Variants in FAM107B observed in about 807,000 individuals in gnomAD.
FAM107B encodes the protein family with sequence similarity 107 member B, also known as protein FAM107B.
A neutral mutation model predicts 31.5 loss-of-function variants in FAM107B; 21 were observed. The observed-to-expected ratio is 0.67, with a 90% CI of 0.47 to 0.96. FAM107B has a LOEUF of 0.96. Among genes scored for constraint, FAM107B ranks in the 40% least tolerant of loss-of-function variants. FAM107B has a pLI of 0.00. For missense variants in FAM107B, 452 were observed against 377.1 expected (o/e 1.20, Z -1.64); for synonymous variants, 157 against 141.5 (o/e 1.11, Z -0.78).
chr10:14,572,631 T>C (rs1240887220), intron 2 of FAM107B, among the ~76,000 whole-genome samples: 1 of 150,420 alleles, frequency 6.6e-6, no homozygotes. Flanking sequence ...GGATCGCTTG[T>C]ACCCAGGAGT....
intron 2 of FAM107B, among the ~76,000 whole-genome samples, chr10:14,639,982 T>C (rs1853590953): frequency 6.6e-6 from 1 of 152,218 alleles, no homozygotes; most frequent in Non-Finnish European, 1.5e-5. Flanking sequence ...TGCCACCCGT[T>C]TCCTTCTTTG....
At chr10:14,598,747 G>C (rs41448447) in intron 2 of FAM107B, among the ~76,000 whole-genome samples, 5 of 152,146 alleles carry the variant, frequency 3.3e-5, no homozygotes, top group African/African-American at 1.2e-4. Flanking sequence ...TTTTTGAAAG[G>C]CTGTGGGCAC....
intron 2 of FAM107B, among the ~76,000 whole-genome samples, chr10:14,576,553 A>AACAACAAC (rs1564582586): frequency 1.1e-4 from 12 of 105,880 alleles, no homozygotes; most frequent in African/African-American, 3.8e-4. Context: ...ACAACAACAA[A>AACAACAAC]AAGCCACTGA....
At position 14,698,055 on chromosome 10, in the gene FAM107B, G is replaced by A. The variant is rs557457767; in HGVS notation, c.412-30364C>T. Among the ~76,000 whole-genome samples the A allele has an allele frequency of 2.4e-4, 37 of 152,038 alleles. No individual in the cohort carries two copies. In the South Asian group the frequency reaches 7.5e-3, roughly 31 times the overall value. On this transcript the variant is annotated intron_variant, in intron 1 of 4. Coordinates refer to ENST00000181796, the MANE Select transcript of FAM107B (RefSeq NM_031453.4). Reference sequence around the variant, plus strand: ...CACAAGGATCGATTGAACCCAGGAGGTGGAGGTTGCAATGAGCCGAGATCA... The same window carrying A: ...CACAAGGATCGATTGAACCCAGGAGATGGAGGTTGCAATGAGCCGAGATCA...
chr10:14,739,999 A>G (rs912853020), intron 1 of FAM107B, among the ~76,000 whole-genome samples: 1 of 152,226 alleles, frequency 6.6e-6, no homozygotes, highest in African/African-American at 2.4e-5. Context: ...AGCAACAGGA[A>G]TGCTCATTCA....
intron 1 of FAM107B, among the ~76,000 whole-genome samples, chr10:14,746,773 T>C (rs1296855248): frequency 1.3e-5 from 2 of 152,196 alleles, no homozygotes; most frequent in East Asian, 1.9e-4. Context: ...CTGTGTGTCT[T>C]AGGGTTGATC....
In FAM107B at chr10:14,521,872, C is replaced by G. The variant is rs576305397; in HGVS notation, c.801G>C (p.Glu267Asp). 6.2e-7 allele frequency: 1 copy of G among 1,613,740 alleles called. No homozygotes were observed. Among genetic ancestry groups the G allele is most frequent in the Non-Finnish European group, 8.5e-7 (1 of 1,179,914 alleles). Residue 267 changes from glutamate to aspartate, a missense_variant, in exon 4 of 5, where the codon GAG (glutamate) becomes GAC (aspartate). Glu to Asp is a conservative substitution (Grantham distance 45). Transcript: ENST00000181796. The stretch of plus-strand genomic sequence containing the variant: ...GCTTCCAGCCAATCCCCCTTACCTG[C>G]TCCAACTTCTGCTGCCGTTTTAATA... ...IELLKRQQKL[E>D]QLELEKQKLQ... is the part of the protein sequence containing the mutation.
Position 14,629,427 on chromosome 10 carries a change from A to AT in FAM107B, c.469+38206_469+38207insA, listed in dbSNP as rs1564606855. 1.4e-3 allele frequency among the ~76,000 whole-genome samples: 33 copies of AT among 23,454 alleles called. 2 individuals are homozygous for AT. Among genetic ancestry groups the AT allele is most frequent in the Admixed American group, 5.1e-3 (8 of 1,562 alleles). 15.4% of individuals were successfully genotyped at this position (23,454 alleles called of 152,430 possible). A position where few individuals can be genotyped will look rare whatever the true frequency, so the allele number is the denominator to read the frequency against. ...TATATTTAATATATATAATATATAT[A>AT]ATATATATTATATATATATTATATA... is the stretch of plus-strand genomic sequence containing the variant. On this transcript the variant is annotated intron_variant, in intron 2 of 4. Transcript: ENST00000181796.
intron 2 of FAM107B, among the ~76,000 whole-genome samples, chr10:14,659,980 AAATCTACAAACC>A (rs1854188941): frequency 6.6e-6 from 1 of 152,206 alleles, no homozygotes; most frequent in Non-Finnish European, 1.5e-5. Context: ...CACACTTAAG[AAATCTACAAACC>A]ACAGGAAATG....
intron 1 of FAM107B, among the ~76,000 whole-genome samples, chr10:14,765,240 T>C (rs1833139331): frequency 6.6e-6 from 1 of 152,250 alleles, no homozygotes; most frequent in Admixed American, 6.5e-5. Flanking sequence ...CCTCATCTTT[T>C]ATGTCTTAGC....
At chr10:14,624,631 G>A (rs376048371) in intron 2 of FAM107B, among the ~76,000 whole-genome samples, 97 of 151,218 alleles carry the variant, frequency 6.4e-4, no homozygotes, top group African/African-American at 1.5e-3. Context: ...GCAAGACTCC[G>A]TTTCAAAAAA....
intron 1 of FAM107B, among the ~76,000 whole-genome samples, chr10:14,695,929 A>T (rs954022623): frequency 2.6e-5 from 4 of 152,152 alleles, no homozygotes; most frequent in African/African-American, 9.7e-5. Context: ...GTGCAAATAG[A>T]GATAATTTCA....
rs191479982 is a variant in FAM107B at position 14,646,748 on chromosome 10, G to C, written c.469+20886C>G. The stretch of plus-strand genomic sequence containing the variant: ...TAGTTCCTTGAGAGCTCGCCATACT[G>C]TTTTCCATTGAGGTTGTACTGATTT... On this transcript the variant is annotated intron_variant, in intron 2 of 4. Coordinates refer to ENST00000181796, the MANE Select transcript of FAM107B (RefSeq NM_031453.4). Among the ~76,000 whole-genome samples the C allele has an allele frequency of 2.3e-5, 3 of 130,838 alleles. No homozygotes were observed. The Admixed American group carries it at 2.3e-4, about 10-fold the overall frequency. The allele number at this position is 130,838 out of a possible 152,430, so 85.8% of individuals were successfully genotyped here. A position where few individuals can be genotyped will look rare whatever the true frequency, so the allele number is the denominator to read the frequency against.
intron 1 of FAM107B, 68 bp downstream of exon 1, chr10:14,774,185 T>C (rs941754858): frequency 5.9e-6 from 9 of 1,531,798 alleles, no homozygotes; most frequent in African/African-American, 1.4e-5. Flanking sequence ...GCTGAAACAT[T>C]CGCCACATGA....
intron 1 of FAM107B, among the ~76,000 whole-genome samples, chr10:14,720,875 A>G (rs1293046080): frequency 1.3e-5 from 2 of 152,094 alleles, no homozygotes; most frequent in African/African-American, 4.8e-5. Flanking sequence ...TTTAAGTTCT[A>G]GGGTACAAGT....
chr10:14,727,438 G>A (rs2131556188), intron 1 of FAM107B, among the ~76,000 whole-genome samples: 1 of 152,304 alleles, frequency 6.6e-6, no homozygotes, highest in Middle Eastern at 3.4e-3. Flanking sequence ...GCAACTGTCA[G>A]CAGCTGCATG....
chr10:14,769,799 C>A (rs1442513585), intron 1 of FAM107B, among the ~76,000 whole-genome samples: 2 of 152,228 alleles, frequency 1.3e-5, no homozygotes, highest in Non-Finnish European at 2.9e-5. Flanking sequence ...ATGGAACTTA[C>A]AACTGCTATA....
At chr10:14,616,213 G>A (rs1852846074) in intron 2 of FAM107B, among the ~76,000 whole-genome samples, 1 of 152,122 alleles carries the variant, frequency 6.6e-6, no homozygotes, top group African/African-American at 2.4e-5. Flanking sequence ...TGAACTAAGG[G>A]CATGTTGCAT....
At chr10:14,747,962 C>A (rs1183882849) in intron 1 of FAM107B, among the ~76,000 whole-genome samples, 3 of 152,226 alleles carry the variant, frequency 2.0e-5, no homozygotes, top group Non-Finnish European at 4.4e-5. Context: ...TTCCTTGCAA[C>A]CACATGCAGC....
Sources: allele counts gnomAD v4.1 joint callset (sites outside exome capture counted in the v4.1 genomes callset), GRCh38; gene constraint gnomAD v4.1.1; transcripts MANE v1.5; gene names NCBI Gene and HGNC (gene_info 2026-07-23, HGNC 2026-07-21).